The following ZNF536 variants were observed in gnomAD, a reference collection of about 807,000 sequenced individuals.
ZNF536 encodes the protein zinc finger protein 536.
ZNF536 carries 13 observed loss-of-function variants against 84.5 expected under a neutral mutation model. That is an observed-to-expected ratio of 0.15 (90% CI 0.10 to 0.24). The LOEUF is 0.24. Ranked by LOEUF, ZNF536 falls within the 10% of genes least tolerant of loss-of-function variation. The pLI is 1.00. For missense variants in ZNF536, 1,536 were observed against 1,747.5 expected, an observed-to-expected ratio of 0.88 and a Z score of 2.16; for synonymous variants, 811 against 742.5, an observed-to-expected ratio of 1.09 and a Z score of -1.50.
At chr19:30,410,931 G>A (rs956549333) in intron 1 of ZNF536, among the ~76,000 whole-genome samples, 8 of 152,108 alleles carry the variant, frequency 5.3e-5, no homozygotes, top group African/African-American at 1.7e-4. Context: ...TGGCAAAACC[G>A]TATACACATT....
chr19:30,583,078 A>T (rs1441604335), intron 1 of ZNF536, among the ~76,000 whole-genome samples: 1 of 152,140 alleles, frequency 6.6e-6, no homozygotes, highest in Admixed American at 6.5e-5. Context: ...TAGCTCCTTG[A>T]TTGACTTTAA....
At chr19:30,515,664 T>C (rs1056360874) in intron 2 of ZNF536, among the ~76,000 whole-genome samples, 2 of 152,076 alleles carry the variant, frequency 1.3e-5, no homozygotes, top group African/African-American at 4.8e-5. Flanking sequence ...TAGAAGCAGA[T>C]ACAAAATTGT....
At chr19:30,374,346 T>TA (rs1413909965) in intron 1 of ZNF536, among the ~76,000 whole-genome samples, 3 of 152,066 alleles carry the variant, frequency 2.0e-5, no homozygotes, top group Non-Finnish European at 4.4e-5. Flanking sequence ...TCTAGCACCG[T>TA]AAAAAATATA....
chr19:30,473,556 T>C (rs2053727310), intron 2 of ZNF536, among the ~76,000 whole-genome samples: 1 of 152,248 alleles, frequency 6.6e-6, no homozygotes, highest in South Asian at 2.1e-4. Flanking sequence ...CATAACCTGT[T>C]GCATGTATTC....
chr19:30,246,705 A>G (rs1282641338), intron 1 of ZNF536, among the ~76,000 whole-genome samples: 1 of 152,168 alleles, frequency 6.6e-6, no homozygotes, highest in Admixed American at 6.5e-5. Context: ...ATTTAGAATG[A>G]TCTCCTGTTG....
intron 1 of ZNF536, among the ~76,000 whole-genome samples, chr19:30,664,484 T>C (rs890390085): frequency 6.6e-6 from 1 of 152,136 alleles, no homozygotes; most frequent in African/African-American, 2.4e-5. Context: ...CAACAGGCAC[T>C]GGTCAGATCC....
At chr19:30,332,477 G>A (rs1420838920) in intron 2 of ZNF536, among the ~76,000 whole-genome samples, 3 of 152,048 alleles carry the variant, frequency 2.0e-5, no homozygotes, top group Admixed American at 6.5e-5. Flanking sequence ...CTGCTCCTCC[G>A]TCAGAACTGC....
intron 1 of ZNF536, among the ~76,000 whole-genome samples, chr19:30,582,003 A>C (rs1316028697): frequency 6.6e-6 from 1 of 152,186 alleles, no homozygotes; most frequent in African/African-American, 2.4e-5. Flanking sequence ...TCAGGAAGAC[A>C]CTGAATGTCG....
chr19:30,379,616 G>A (rs1030910705), intron 1 of ZNF536, among the ~76,000 whole-genome samples: 2 of 151,144 alleles, frequency 1.3e-5, no homozygotes, highest in African/African-American at 4.9e-5. Flanking sequence ...GGTGGGGCTT[G>A]AGGGTAGACA....
chr19:30,492,282 G>A (rs1177147861), intron 2 of ZNF536, among the ~76,000 whole-genome samples: 1 of 152,110 alleles, frequency 6.6e-6, no homozygotes, highest in African/African-American at 2.4e-5. Flanking sequence ...TATTATATGA[G>A]ACATTGGATG....
chr19:30,434,991 ATGGTGATGG>A (rs1441975607), intron 1 of ZNF536, among the ~76,000 whole-genome samples: 1 of 150,602 alleles, frequency 6.6e-6, no homozygotes, highest in Admixed American at 6.6e-5. Flanking sequence ...CGTGGTGATG[ATGGTGATGG>A]TGGTGATGCG....
At chr19:30,695,045 C>T (rs960330526) in intron 1 of ZNF536, among the ~76,000 whole-genome samples, 1 of 152,136 alleles carries the variant, frequency 6.6e-6, no homozygotes, top group African/African-American at 2.4e-5. Flanking sequence ...GGAGGAAGAG[C>T]GTAGTATTAA....
intron 3 of ZNF536, among the ~76,000 whole-genome samples, chr19:30,544,965 T>C (rs554317445): frequency 6.6e-6 from 1 of 152,298 alleles, no homozygotes; most frequent in East Asian, 1.9e-4. Context: ...AAATACCTCC[T>C]GAGGTCTAGA....
chr19:30,232,830 G>A (rs187952715), intron 1 of ZNF536, among the ~76,000 whole-genome samples: 131 of 152,208 alleles, frequency 8.6e-4, no homozygotes, highest in African/African-American at 3.0e-3. Flanking sequence ...GTTTGGGAGC[G>A]TCCCCAGCTT....
At chr19:30,234,521 C>G (rs1156272029) in intron 1 of ZNF536, among the ~76,000 whole-genome samples, 1 of 151,120 alleles carries the variant, frequency 6.6e-6, no homozygotes, top group Admixed American at 6.6e-5. Context: ...CCCGCCTCAG[C>G]CTCTCAAGTT....
At chr19:30,395,586 A>T (rs892280560) in intron 1 of ZNF536, among the ~76,000 whole-genome samples, 6 of 152,112 alleles carry the variant, frequency 3.9e-5, no homozygotes, top group African/African-American at 1.4e-4. Flanking sequence ...TGTCTCAGTG[A>T]TTGGATTTTA....
In ZNF536 at chr19:30,548,818, A is replaced by C; in HGVS notation, c.3199A>C (p.Asn1067His). 1 of 1,614,034 alleles carries C rather than the reference A, an allele frequency of 6.2e-7. No individual in the cohort carries two copies. Among genetic ancestry groups the C allele is most frequent in the Non-Finnish European group, 8.5e-7 (1 of 1,180,016 alleles). Residue 1067 changes from asparagine (N) to histidine (H), a missense_variant, in exon 4 of 5, where the codon AAT becomes CAT. Physicochemically the swap from Asn to His is moderately conservative, Grantham distance 68. Coordinates refer to ENST00000355537, the MANE Select transcript of ZNF536 (RefSeq NM_014717.3). ...ATCAAACAAAGACCTGGGCCTCTCC[A>C]ATATGATCAGCTCTCTAGACTCTGC... Reference protein sequence around the residue: ...LQSNKDLGLSNMISSLDSASE... With the variant: ...LQSNKDLGLSHMISSLDSASE...
intron 1 of ZNF536, among the ~76,000 whole-genome samples, chr19:30,387,245 G>A (rs2049381417): frequency 6.6e-6 from 1 of 152,200 alleles, no homozygotes; most frequent in African/African-American, 2.4e-5. Context: ...GTGCTTAGCT[G>A]ATACTTGCAA....
At chr19:30,440,019 G>A (rs2051960718) in intron 1 of ZNF536, among the ~76,000 whole-genome samples, 1 of 131,710 alleles carries the variant, frequency 7.6e-6, no homozygotes, top group African/African-American at 3.0e-5. Context: ...GGAGTGCAAT[G>A]GCATGATCTC....
Sources: allele counts gnomAD v4.1 joint callset (sites outside exome capture counted in the v4.1 genomes callset), GRCh38; gene constraint gnomAD v4.1.1; transcripts MANE v1.5; gene names NCBI Gene and HGNC (gene_info 2026-07-23, HGNC 2026-07-21).